HHLA2: variants seen among roughly 807,000 people sequenced by gnomAD.
HHLA2 encodes HERV-H LTR-associating protein 2.
HHLA2 carries 48 observed loss-of-function variants against 45.9 expected under a neutral mutation model. The ratio of observed to expected loss-of-function variants is 1.05; its 90% CI spans 0.83 to 1.33. HHLA2 has a LOEUF of 1.33. Among genes scored for constraint, HHLA2 ranks in the 40% most tolerant of loss-of-function variants. The pLI is 0.00. For synonymous variants in HHLA2, 161 were observed against 173.9 expected (o/e 0.93, Z 0.59); for missense variants, 462 against 494.3 (o/e 0.93, Z 0.62).
chr3:108,351,765 T>A, intron 3 of HHLA2, 23 bp from the exon 3 acceptor site: 2 of 1,488,224 alleles, frequency 1.3e-6, no homozygotes, highest in Non-Finnish European at 1.9e-6. Flanking sequence ...CCATAACATG[T>A]GCACTTTACT....
intron 8 of HHLA2, among the ~76,000 whole-genome samples, chr3:108,364,363 T>TA (rs2082029193): frequency 6.6e-6 from 1 of 152,260 alleles, no homozygotes; most frequent in African/African-American, 2.4e-5. Flanking sequence ...ATGGTGTATA[T>TA]GTGCCACATT....
chr3:108,377,166 C>T (rs2082289121), intron 10 of HHLA2, 92 bp from the exon 10 acceptor site: 9 of 856,504 alleles, frequency 1.1e-5, no homozygotes, highest in Non-Finnish European at 1.7e-5. Context: ...TGCCGCCCAC[C>T]CCAAAACACT....
intron 8 of HHLA2, among the ~76,000 whole-genome samples, chr3:108,368,005 A>G (rs2082094956): frequency 6.6e-6 from 1 of 152,218 alleles, no homozygotes; most frequent in Non-Finnish European, 1.5e-5. Flanking sequence ...CTAACAATGG[A>G]TATCTCTGCA....
exon 7 of HHLA2, chr3:108,358,070 G>T (rs952513353): frequency 6.2e-7 from 1 of 1,613,772 alleles, no homozygotes. Context: ...CTATGAATTT[G>T]ATGGATCTTA....
chr3:108,335,394 A>G (rs563455780), intron 3 of HHLA2, among the ~76,000 whole-genome samples: 1 of 152,318 alleles, frequency 6.6e-6, no homozygotes, highest in South Asian at 2.1e-4. Context: ...TTTCAGGATA[A>G]CAACTACCAC....
chr3:108,310,560 T>C (rs982319136), intron 1 of HHLA2, 95 bp from the exon 2 acceptor site: 5 of 152,734 alleles, frequency 3.3e-5, no homozygotes, highest in Middle Eastern at 3.4e-3. Context: ...CACAAGTCAT[T>C]AATCACTGAA....
intron 6 of HHLA2, among the ~76,000 whole-genome samples, chr3:108,356,978 G>T (rs2081904492): frequency 6.6e-6 from 1 of 152,148 alleles, no homozygotes; most frequent in African/African-American, 2.4e-5. Flanking sequence ...AAGTAAAATT[G>T]CCTGGATTTG....
intron 2 of HHLA2, among the ~76,000 whole-genome samples, chr3:108,317,151 C>A (rs1361330480): frequency 6.6e-6 from 1 of 152,270 alleles, no homozygotes; most frequent in South Asian, 2.1e-4. Flanking sequence ...AGAAGGGGAA[C>A]CTTTTGTCTT....
intron 6 of HHLA2, among the ~76,000 whole-genome samples, chr3:108,357,499 G>A (rs1018008691): frequency 6.6e-6 from 1 of 152,156 alleles, no homozygotes; most frequent in Non-Finnish European, 1.5e-5. Context: ...CATTAGAGGG[G>A]CCAAGAGAAG....
chr3:108,318,520 T>C (rs2081142229), intron 2 of HHLA2, among the ~76,000 whole-genome samples: 1 of 152,242 alleles, frequency 6.6e-6, no homozygotes, highest in Non-Finnish European at 1.5e-5. Context: ...AAACAATGCC[T>C]GCACTTAGCT....
At chr3:108,336,402 A>G (rs2081472264) in intron 3 of HHLA2, among the ~76,000 whole-genome samples, 1 of 152,170 alleles carries the variant, frequency 6.6e-6, no homozygotes, top group South Asian at 2.1e-4. Context: ...TGTGTCTAAC[A>G]ATGATAACTA....
intron 2 of HHLA2, among the ~76,000 whole-genome samples, chr3:108,313,931 T>C (rs567102504): frequency 6.6e-6 from 1 of 152,166 alleles, no homozygotes; most frequent in African/African-American, 2.4e-5. Flanking sequence ...ACCCCTCCTT[T>C]TTGTCTCCAG....
At chr3:108,309,226 T>A (rs2080978811) in intron 1 of HHLA2, among the ~76,000 whole-genome samples, 1 of 152,234 alleles carries the variant, frequency 6.6e-6, no homozygotes. Context: ...CTTCTGCATA[T>A]GGATATCCAG....
chr3:108,361,361 A>G (rs2081982029), intron 7 of HHLA2, among the ~76,000 whole-genome samples: 1 of 152,188 alleles, frequency 6.6e-6, no homozygotes, highest in East Asian at 1.9e-4. Flanking sequence ...TTTGTCCAGC[A>G]TATCACACCG....
In HHLA2 at chr3:108,335,253, G is replaced by A. The variant is rs139956790; in HGVS notation, c.-27+6906G>A. On this transcript the variant is annotated intron_variant, in intron 3 of 10. Coordinates refer to ENST00000619531, the Ensembl canonical transcript of HHLA2. ...GGCCACATTCCATCAAACCCCTAAA[G>A]AATAAATGAGTTGCATGAGCAGATT... Among the ~76,000 whole-genome samples, 282 of 152,282 alleles carry A rather than the reference G, an allele frequency of 1.9e-3. 2 individuals are homozygous for A. Among genetic ancestry groups the A allele is most frequent in the African/African-American group, 6.5e-3 (270 of 41,568 alleles).
intron 1 of HHLA2, among the ~76,000 whole-genome samples, chr3:108,305,497 T>G (rs976226991): frequency 1.3e-5 from 2 of 152,164 alleles, no homozygotes; most frequent in African/African-American, 4.8e-5. Context: ...TGGTTAAAAT[T>G]TACCTCACAG....
chr3:108,344,973 C>G (rs974368849), intron 3 of HHLA2, among the ~76,000 whole-genome samples: 1 of 152,174 alleles, frequency 6.6e-6, no homozygotes, highest in Non-Finnish European at 1.5e-5. Flanking sequence ...AGGAGTAGTT[C>G]CCTGGACTTT....
intron 8 of HHLA2, 142 bp downstream of exon 7, chr3:108,362,588 T>C (rs2082001013): frequency 3.2e-6 from 2 of 632,254 alleles, no homozygotes; most frequent in Non-Finnish European, 5.5e-6. Context: ...TCACCCAAAA[T>C]CTTTTAAAAT....
chr3:108,334,094 G>A (rs998345084), intron 3 of HHLA2, among the ~76,000 whole-genome samples: 1 of 152,096 alleles, frequency 6.6e-6, no homozygotes, highest in African/African-American at 2.4e-5. Context: ...ATGAAAATGG[G>A]GTTTCTAAAT....
Sources: gnomAD v4.1 joint callset for allele counts (sites outside exome capture counted in the v4.1 genomes callset) on GRCh38, gnomAD v4.1.1 for gene constraint, MANE v1.5 for transcripts, NCBI Gene and HGNC (gene_info 2026-07-23, HGNC 2026-07-21) for gene names.